The following LRRC2 variants were observed in gnomAD, a reference collection of about 807,000 sequenced individuals.
The protein encoded by LRRC2 is leucine rich repeat containing 2.
In LRRC2, 27 loss-of-function variants were observed where a neutral mutation model predicts 40.2. That is an observed-to-expected ratio of 0.67 (90% CI 0.49 to 0.93). The LOEUF is 0.93. Ranked by LOEUF, LRRC2 falls within the 40% of genes least tolerant of loss-of-function variation. The pLI is 0.00. For synonymous variants in LRRC2, 147 were observed against 158.9 expected (o/e 0.92, Z 0.56); for missense variants, 402 against 439.6 (o/e 0.91, Z 0.76).
intron 1 of LRRC2, among the ~76,000 whole-genome samples, chr3:46,564,971 G>C (rs553636760): frequency 6.6e-6 from 1 of 152,330 alleles, no homozygotes; most frequent in East Asian, 1.9e-4. Context: ...CTCACATAAG[G>C]CCACTGCCTG....
chr3:46,532,102 A>G (rs1414772778), intron 5 of LRRC2, among the ~76,000 whole-genome samples: 1 of 152,180 alleles, frequency 6.6e-6, no homozygotes, highest in Non-Finnish European at 1.5e-5. Flanking sequence ...AAGTTTTGCT[A>G]TGAGTATATA....
At chr3:46,558,807 T>G (rs1281430048) in intron 1 of LRRC2, 1 of 152,164 alleles carries the variant, frequency 6.6e-6, no homozygotes, top group Non-Finnish European at 1.5e-5. Flanking sequence ...TTTGCTCCAC[T>G]CTTTTGGGCT....
At position 46,539,033 on chromosome 3, in the gene LRRC2, A is replaced by G. The variant is rs764040746; in HGVS notation, c.490+12T>C. ...CACCAGAGGCCCGAAGACCCCTGCT[A>G]AGTTGACATACCGATTTCTGCTGGA... On this transcript the variant is annotated intron_variant, in intron 4 of 8. Coordinates refer to ENST00000395905, the MANE Select transcript of LRRC2 (RefSeq NM_024512.5). 26 of 1,612,826 alleles carry G rather than the reference A, an allele frequency of 1.6e-5. No individual in the cohort carries two copies. The highest frequency in any genetic ancestry group is 1.1e-5 in the South Asian group (1 of 90,968).
At chr3:46,556,581 T>TC (rs1471285590) in intron 1 of LRRC2, among the ~76,000 whole-genome samples, 17 of 144,798 alleles carry the variant, frequency 1.2e-4, no homozygotes, top group South Asian at 2.2e-4. Context: ...TATTTCTTTT[T>TC]TTTTTTTTTT....
chr3:46,565,754 C>T (rs2107071323), intron 1 of LRRC2, among the ~76,000 whole-genome samples: 1 of 152,356 alleles, frequency 6.6e-6, no homozygotes, highest in Non-Finnish European at 1.5e-5. Flanking sequence ...AAGACTTCCC[C>T]GCCAGGGCCA....
Position 46,527,470 on chromosome 3 carries a change from C to T in LRRC2, c.885G>A (p.Leu295=). 1.2e-6 allele frequency: 2 copies of T among 1,613,948 alleles called. No homozygotes were observed. The highest frequency in any genetic ancestry group is 1.7e-6 in the Non-Finnish European group (2 of 1,179,872). Residue 295 remains leucine (L), a synonymous_variant, in exon 7 of 9, where the codon TTG becomes TTA. Transcript: ENST00000395905. ...CACAAAGGGCAGTTGGGAGCTCCAC[C>T]AAATGGTCCCCACTGACGACTAACA... is the stretch of plus-strand genomic sequence containing the variant. The part of the protein sequence containing the change: ...LTLLVVSGDH[L]VELPTALCDS...
intron 2 of LRRC2, among the ~76,000 whole-genome samples, chr3:46,546,203 A>G (rs1304906802): frequency 2.0e-5 from 3 of 152,234 alleles, no homozygotes; most frequent in African/African-American, 7.2e-5. Context: ...AAGGCAGTAT[A>G]TACACTAAAT....
intron 1 of LRRC2, 140 bp from the exon 2 acceptor site, chr3:46,551,750 GCTT>G: frequency 1.2e-4 from 19 of 153,020 alleles, no homozygotes; most frequent in South Asian, 6.3e-4. Flanking sequence ...ATGACAGTTT[GCTT>G]TTTTTTTTTT....
chr3:46,532,363 G>C (rs1447337478), intron 5 of LRRC2, among the ~76,000 whole-genome samples: 1 of 152,210 alleles, frequency 6.6e-6, no homozygotes, highest in Non-Finnish European at 1.5e-5. Context: ...CCAGGACTCT[G>C]GGAGGCCAAG....
At chr3:46,547,123 C>G (rs922318104) in intron 2 of LRRC2, among the ~76,000 whole-genome samples, 3 of 152,194 alleles carry the variant, frequency 2.0e-5, no homozygotes, top group Non-Finnish European at 4.4e-5. Flanking sequence ...CTCCCCAGGT[C>G]TACATGCAAA....
rs776438547 is a variant in LRRC2, at chr3:46,521,558, CTTCT to C, written c.1026_1029del (p.Glu343LeufsTer2). 12 of 1,612,280 alleles carry C rather than the reference CTTCT, an allele frequency of 7.4e-6. No homozygotes were observed. The highest frequency in any genetic ancestry group is 1.0e-5 in the Non-Finnish European group (12 of 1,179,280). ...AGGTCTTCAATATAGGCTTTCATAACTTCTTTATCAAAATGTTGGCGATCCCGTT... is the reference window on the plus strand; with the variant it reads ...AGGTCTTCAATATAGGCTTTCATAACTTATCAAAATGTTGGCGATCCCGTT... On this transcript the variant is annotated frameshift_variant, in exon 8 of 9. Transcript: ENST00000395905. LOFTEE classifies it high-confidence loss of function.
intron 6 of LRRC2, among the ~76,000 whole-genome samples, chr3:46,529,332 T>A (rs1704117141): frequency 2.6e-5 from 4 of 152,052 alleles, no homozygotes; most frequent in Admixed American, 2.6e-4. Flanking sequence ...ATCCCAGAAC[T>A]TTGAGAGGCC....
chr3:46,554,911 A>G (rs1015367932), intron 1 of LRRC2, among the ~76,000 whole-genome samples: 4 of 152,048 alleles, frequency 2.6e-5, no homozygotes, highest in African/African-American at 9.7e-5. Context: ...CTTGTTATTA[A>G]CTGTCTTTTT....
At chr3:46,527,760 T>C (rs921897735) in intron 6 of LRRC2, among the ~76,000 whole-genome samples, 179 bp from the exon 7 acceptor site, 8 of 152,080 alleles carry the variant, frequency 5.3e-5, no homozygotes, top group Non-Finnish European at 1.2e-4. Context: ...CAAGGTGTTA[T>C]TATGTTGCCC....
At chr3:46,533,620 A>T (rs555686219) in intron 4 of LRRC2, among the ~76,000 whole-genome samples, 3 of 152,332 alleles carry the variant, frequency 2.0e-5, no homozygotes, top group African/African-American at 7.2e-5. Flanking sequence ...CCTGTTTTAT[A>T]ATAAAGTGTT....
chr3:46,565,760 G>T, intron 1 of LRRC2, among the ~76,000 whole-genome samples: 1 of 152,214 alleles, frequency 6.6e-6, no homozygotes, highest in East Asian at 1.9e-4. Flanking sequence ...TCCCCGCCAG[G>T]GCCATGTGTC....
intron 1 of LRRC2, among the ~76,000 whole-genome samples, chr3:46,563,542 A>G (rs1451456923): frequency 6.6e-6 from 1 of 152,124 alleles, no homozygotes. Context: ...CACCCCTGGA[A>G]CCCACCTTAA....
intron 6 of LRRC2, among the ~76,000 whole-genome samples, chr3:46,528,125 A>G (rs1043300768): frequency 2.0e-5 from 3 of 152,212 alleles, no homozygotes; most frequent in Non-Finnish European, 4.4e-5. Flanking sequence ...TAGCAGCGGG[A>G]TAAGCATACT....
At chr3:46,531,811 C>G (rs912722092) in intron 5 of LRRC2, among the ~76,000 whole-genome samples, 6 of 152,100 alleles carry the variant, frequency 3.9e-5, no homozygotes, top group Non-Finnish European at 8.8e-5. Flanking sequence ...AAATAATGCC[C>G]CTTCTAGGAT....
Sources: gnomAD v4.1 joint callset for allele counts (sites outside exome capture counted in the v4.1 genomes callset) on GRCh38, gnomAD v4.1.1 for gene constraint, MANE v1.5 for transcripts, NCBI Gene and HGNC (gene_info 2026-07-23, HGNC 2026-07-21) for gene names.